Variants in GPIHBP1 observed in about 807,000 individuals in gnomAD.
GPIHBP1 encodes the protein glycosylphosphatidylinositol anchored high density lipoprotein binding protein 1.
A neutral mutation model predicts 13.0 loss-of-function variants in GPIHBP1; 11 were observed. That is an observed-to-expected ratio of 0.84 (90% CI 0.53 to 1.40). The LOEUF (loss-of-function observed/expected upper bound fraction) is 1.40. Ranked by LOEUF, GPIHBP1 falls within the 40% of genes most tolerant of loss-of-function variation. GPIHBP1 has a pLI of 0.00. For missense variants in GPIHBP1, 231 were observed against 241.1 expected, an observed-to-expected ratio of 0.96 and a Z score of 0.28; for synonymous variants, 106 against 102.2, an observed-to-expected ratio of 1.04 and a Z score of -0.22.
At position 143,213,223 on chromosome 8, in the gene GPIHBP1, C is replaced by T. The variant is rs1186860438; in HGVS notation, c.-45C>T. On this transcript the variant is annotated 5_prime_UTR_variant, in exon 1 of 4. Coordinates refer to ENST00000622500, the MANE Select transcript of GPIHBP1 (RefSeq NM_178172.6). ...ATCCCACTTACCGCAGCTCCAGAGC[C>T]CTGCGGGAGGACTCAGAGTCAGGGA... 1 of 1,551,098 alleles carries T rather than the reference C, an allele frequency of 6.4e-7. No individual in the cohort carries two copies. Among genetic ancestry groups the T allele is most frequent in the East Asian group, 2.3e-5 (1 of 43,698 alleles).
At position 143,213,913 on chromosome 8, in the gene GPIHBP1, G is replaced by A. The variant is rs758996206; in HGVS notation, c.144G>A (p.Glu48=). 4 of 1,551,620 alleles carry A rather than the reference G, an allele frequency of 2.6e-6. No individual in the cohort carries two copies. In the South Asian group the frequency reaches 3.6e-5, roughly 14 times the overall value. The change falls in exon 2 of 4, where the codon GAG becomes GAA. Residue 48 remains glutamate (E), a synonymous_variant. Transcript: ENST00000622500. ...AGGAAGATGAGGATGAGGTGGAAGA[G>A]GAGGAGACCAACAGGCTCCCTGGTG... ...YDEEDEDEVE[E]EETNRLPGGR... is the part of the protein sequence containing the mutation.
chr8:143,215,215 G>A (rs755487011), intron 3 of GPIHBP1, 44 bp from the exon 4 acceptor site: 4 of 1,612,620 alleles, frequency 2.5e-6, no homozygotes, highest in Non-Finnish European at 3.4e-6. Context: ...CCACCTCAGA[G>A]ACCCCGCCCA....
In GPIHBP1 at chr8:143,217,089, AGCTC is replaced by A. The variant is rs988197565; in HGVS notation, c.*1575_*1578del. The A allele has an allele frequency of 3.7e-4, 56 of 152,306 alleles. No homozygotes were observed. Among genetic ancestry groups the A allele is most frequent in the African/African-American group, 1.3e-3 (55 of 41,544 alleles). The allele number at this position is 152,306 out of a possible 1,614,324, so 9.4% of individuals were successfully genotyped here. A position where few individuals can be genotyped will look rare whatever the true frequency, so the allele number is the denominator to read the frequency against. Reference sequence around the variant, plus strand: ...TAGGGCAGCCTGGTGAGAGGGGCCTAGCTCGCTGCCGACAGAAGTCACTGCCTAC... The same window carrying A: ...TAGGGCAGCCTGGTGAGAGGGGCCTAGCTGCCGACAGAAGTCACTGCCTAC... On this transcript the variant is annotated 3_prime_UTR_variant, in exon 4 of 4. Coordinates refer to ENST00000622500, the MANE Select transcript of GPIHBP1 (RefSeq NM_178172.6).
In GPIHBP1 at chr8:143,215,806, C is replaced by A; in HGVS notation, c.*288C>A. On this transcript the variant is annotated 3_prime_UTR_variant, in exon 4 of 4. Transcript: ENST00000622500. ...TGCAGCCCTCATGGGGGCTGGGGAT[C>A]CCCATCAGCACAGCCAGGCAGAGAT... 1 of 527,298 alleles carries A rather than the reference C, an allele frequency of 1.9e-6. No homozygotes were observed. The highest frequency in any genetic ancestry group is 3.4e-6 in the Non-Finnish European group (1 of 294,974). The allele number at this position is 527,298 out of a possible 1,614,324, so 32.7% of individuals were successfully genotyped here.
intron 1 of GPIHBP1, among the ~76,000 whole-genome samples, chr8:143,213,582 C>T (rs1816253434): frequency 6.9e-6 from 1 of 145,584 alleles, no homozygotes; most frequent in Non-Finnish European, 1.5e-5. Context: ...AATGCCAGGG[C>T]ACACTCGGCT....
rs587777642 is a variant in GPIHBP1 at position 143,215,375 on chromosome 8, GTCCCACCCTGGCAAAGC to G, written c.417_433del (p.Pro140SerfsTer161). 7 of 1,612,816 alleles carry G rather than the reference GTCCCACCCTGGCAAAGC, an allele frequency of 4.3e-6. No homozygotes were observed. The highest frequency in any genetic ancestry group is 1.7e-5 in the Admixed American group (1 of 60,004). The stretch of plus-strand genomic sequence containing the variant: ...CTGCTGCCAGTCCAGCCTGTGCAAT[GTCCCACCCTGGCAAAGC>G]TCCCGAGTCCAGGACCCAACAGGCA... On this transcript the variant is annotated frameshift_variant, in exon 4 of 4. Transcript: ENST00000622500. LOFTEE classifies it low-confidence loss of function (END_TRUNC).
chr8:143,213,385 C>T (rs1296811523), intron 1 of GPIHBP1, 66 bp downstream of exon 1: 4 of 1,300,964 alleles, frequency 3.1e-6, no homozygotes, highest in Non-Finnish European at 4.3e-6. Flanking sequence ...ACAGGGACCT[C>T]CAGGGACCCC....
rs1276958808 is a variant in GPIHBP1 at position 143,215,365 on chromosome 8, C to T, written c.402C>T (p.Ser134=). Residue 134 remains serine, a synonymous_variant, in exon 4 of 4, where the codon AGC becomes AGT. Transcript: ENST00000622500. ...TQVTMTCCQS[S]LCNVPPWQSS... The stretch of plus-strand genomic sequence containing the variant: ...TGACCATGACCTGCTGCCAGTCCAG[C>T]CTGTGCAATGTCCCACCCTGGCAAA... The T allele has an allele frequency of 6.2e-7, 1 of 1,612,972 alleles. No individual in the cohort carries two copies.
rs771469195 is a variant in GPIHBP1 at position 143,215,270 on chromosome 8, C to T, written c.307C>T (p.Leu103=). 5 of 1,613,014 alleles carry T rather than the reference C, an allele frequency of 3.1e-6. No individual in the cohort carries two copies. In the South Asian group the frequency reaches 3.3e-5, roughly 11 times the overall value. The change falls in exon 4 of 4, where the codon CTG becomes TTG. Residue 103 remains leucine, a synonymous_variant. Transcript: ENST00000622500. ...ACTCCCCTTCCCAGAGTCAGGCCTCCTGACCACCCACTCCACGTGGTGCAC... is the reference window on the plus strand; with the variant it reads ...ACTCCCCTTCCCAGAGTCAGGCCTCTTGACCACCCACTCCACGTGGTGCAC... ...IAHGNTESGL[L]TTHSTWCTDS... is the part of the protein sequence containing the mutation.
chr8:143,213,917 G>A lies in GPIHBP1; in HGVS notation c.148G>A (p.Glu50Lys), dbSNP rs764899516. 40 of 1,551,458 alleles carry A rather than the reference G, an allele frequency of 2.6e-5. No homozygotes were observed. Among genetic ancestry groups the A allele is most frequent in the Non-Finnish European group, 3.0e-5 (34 of 1,147,148 alleles). The stretch of plus-strand genomic sequence containing the variant: ...AGATGAGGATGAGGTGGAAGAGGAG[G>A]AGACCAACAGGCTCCCTGGTGGCAG... Reference protein sequence around the residue: ...EEDEDEVEEEETNRLPGGRSR... With the variant: ...EEDEDEVEEEKTNRLPGGRSR... Residue 50 changes from glutamate (E) to lysine (K), a missense_variant, in exon 2 of 4, where the codon GAG (glutamate) becomes AAG (lysine). Glu to Lys is a moderately conservative substitution (Grantham distance 56, BLOSUM62 1). Transcript: ENST00000622500.
At position 143,213,964 on chromosome 8, in the gene GPIHBP1, A is replaced by C. The variant is rs1177066381; in HGVS notation, c.181+14A>C. 1 of 1,550,144 alleles carries C rather than the reference A, an allele frequency of 6.5e-7. No individual in the cohort carries two copies. On this transcript the variant is annotated intron_variant, in intron 2 of 3. Transcript: ENST00000622500. ...GCAGGAGCAGAGGTATGGCCGCCCCAACCCCAGAGCCCTGCTGCCTGATCT... is the reference window on the plus strand; with the variant it reads ...GCAGGAGCAGAGGTATGGCCGCCCCCACCCCAGAGCCCTGCTGCCTGATCT...
intron 3 of GPIHBP1, 61 bp downstream of exon 3, chr8:143,215,187 G>A (rs930554936): frequency 6.2e-7 from 1 of 1,611,664 alleles, no homozygotes; most frequent in African/African-American, 1.3e-5. Context: ...CAGGGGCCCG[G>A]AACAGAGCCC....
In GPIHBP1 at chr8:143,213,333, G is replaced by C; in HGVS notation, c.52+14G>C. The C allele has an allele frequency of 6.3e-7, 1 of 1,589,540 alleles. No individual in the cohort carries two copies. Among genetic ancestry groups the C allele is most frequent in the Non-Finnish European group, 8.5e-7 (1 of 1,173,336 alleles). ...TCGGGCGGCCAGGTGCGGGGCAAAG[G>C]GTAACCCTGCGGTGAGGGGGCAGCA... On this transcript the variant is annotated intron_variant, in intron 1 of 3. Transcript: ENST00000622500.
Position 143,214,818 on chromosome 8 carries a change from C to G in GPIHBP1, c.182-195C>G, listed in dbSNP as rs1041367353. Among the ~76,000 whole-genome samples, 6 of 152,208 alleles carry G rather than the reference C, an allele frequency of 3.9e-5. No individual in the cohort carries two copies. Among genetic ancestry groups the G allele is most frequent in the Admixed American group, 3.9e-4 (6 of 15,286 alleles). On this transcript the variant is annotated intron_variant, in intron 2 of 3. Coordinates refer to ENST00000622500, the MANE Select transcript of GPIHBP1 (RefSeq NM_178172.6). The surrounding 1 kb of genome is among the most constrained non-coding windows in gnomAD (Gnocchi z 4.1). ...CCTGCCTGACCCGCAATCCCTTGCC[C>G]CCTAAACACACAGGCTCACGCACAC...
Position 143,213,284 on chromosome 8 carries a change from C to T in GPIHBP1, c.17C>T (p.Ala6Val), listed in dbSNP as rs1175511873. Reference sequence around the variant, plus strand: ...TCCGGCGAGATGAAGGCGCTCGGGGCTGTCCTGCTTGCCCTCTTGCTGTTC... The same window carrying T: ...TCCGGCGAGATGAAGGCGCTCGGGGTTGTCCTGCTTGCCCTCTTGCTGTTC... MKALG[A>V]VLLALLLFGR... The change falls in exon 1 of 4, where the codon GCT becomes GTT. Residue 6 changes from alanine to valine, a missense_variant. Coordinates refer to ENST00000622500, the MANE Select transcript of GPIHBP1 (RefSeq NM_178172.6). 1 of 1,597,246 alleles carries T rather than the reference C, an allele frequency of 6.3e-7. No individual in the cohort carries two copies. Among genetic ancestry groups the T allele is most frequent in the East Asian group, 2.3e-5 (1 of 44,350 alleles).
Position 143,215,062 on chromosome 8 carries a change from C to A in GPIHBP1, c.231C>A (p.Cys77Ter). Reference sequence around the variant, plus strand: ...AGTCCCTGCCCAGGGACGAGCGCTGCAACCTGACGCAGAACTGCTCACATG... The same window carrying A: ...AGTCCCTGCCCAGGGACGAGCGCTGAAACCTGACGCAGAACTGCTCACATG... ...TCKSLPRDERCNLTQNCSHGQ... is the reference protein window; with the variant it reads ...TCKSLPRDER Residue 77 changes from cysteine to a stop codon, truncating the protein, a stop_gained, in exon 3 of 4, where the codon TGC (cysteine) becomes TGA (stop). Transcript: ENST00000622500. LOFTEE classifies it high-confidence loss of function. 1 of 1,609,316 alleles carries A rather than the reference C, an allele frequency of 6.2e-7. No individual in the cohort carries two copies. The highest frequency in any genetic ancestry group is 8.5e-7 in the Non-Finnish European group (1 of 1,178,464).
chr8:143,214,059 C>T lies in GPIHBP1; in HGVS notation c.181+109C>T. ...CCACAGTCCTGCTGTGAGCTTGCCT[C>T]CAGCAGAGTGGGGGACACTCAGTAC... On this transcript the variant is annotated intron_variant, in intron 2 of 3. Coordinates refer to ENST00000622500, the MANE Select transcript of GPIHBP1 (RefSeq NM_178172.6). This position sits in a 1 kb window ranked among gnomAD's most constrained non-coding sequence, Gnocchi z 4.1. The T allele has an allele frequency of 2.1e-6, 3 of 1,401,688 alleles. 1 individual carries two copies. The South Asian group carries it at 3.7e-5, about 17-fold the overall frequency. The allele number at this position is 1,401,688 out of a possible 1,614,324, so 86.8% of individuals were successfully genotyped here.
Position 143,215,613 on chromosome 8 carries a change from G to T in GPIHBP1, c.*95G>T. The T allele has an allele frequency of 8.9e-7, 1 of 1,122,704 alleles. No homozygotes were observed. Among genetic ancestry groups the T allele is most frequent in the Non-Finnish European group, 1.3e-6 (1 of 796,918 alleles). 69.5% of individuals were successfully genotyped at this position (1,122,704 alleles called of 1,614,324 possible). A position where few individuals can be genotyped will look rare whatever the true frequency, so the allele number is the denominator to read the frequency against. ...CTCCTGCCCCTGCACCAGCTTTGGA[G>T]AATGGATTTGGAGTGTCTTGGGCGA... On this transcript the variant is annotated 3_prime_UTR_variant, in exon 4 of 4. Coordinates refer to ENST00000622500, the MANE Select transcript of GPIHBP1 (RefSeq NM_178172.6).
rs1586695040 is a variant in GPIHBP1, at chr8:143,214,937, G to A, written c.182-76G>A. On this transcript the variant is annotated intron_variant, in intron 2 of 3. Coordinates refer to ENST00000622500, the MANE Select transcript of GPIHBP1 (RefSeq NM_178172.6). The surrounding 1 kb of genome is among the most constrained non-coding windows in gnomAD (Gnocchi z 4.1). ...GGCTAGGCTTTGGGAGCACAGCTGA[G>A]AACGGGGAGGTGGACAGGGACGTGG... The A allele has an allele frequency of 9.9e-7, 1 of 1,014,558 alleles. No individual in the cohort carries two copies. The highest frequency in any genetic ancestry group is 2.6e-5 in the East Asian group (1 of 38,454). 62.8% of individuals were successfully genotyped at this position (1,014,558 alleles called of 1,614,324 possible). A position where few individuals can be genotyped will look rare whatever the true frequency, so the allele number is the denominator to read the frequency against.
Sources: allele counts gnomAD v4.1 joint callset (sites outside exome capture counted in the v4.1 genomes callset), GRCh38; gene constraint gnomAD v4.1.1; non-coding constraint Gnocchi (gnomAD v3.1); transcripts MANE v1.5; gene names NCBI Gene and HGNC (gene_info 2026-07-23, HGNC 2026-07-21).